DGKQ: variants seen among roughly 807,000 people sequenced by gnomAD.
DGKQ encodes the protein diacylglycerol kinase theta, also known as DAG kinase theta.
A neutral mutation model predicts 104.2 loss-of-function variants in DGKQ; 97 were observed. The observed-to-expected ratio is 0.93, with a 90% CI of 0.79 to 1.10. The LOEUF (loss-of-function observed/expected upper bound fraction) is 1.10, where lower values mean the gene tolerates loss of function less well. Among genes scored for constraint, DGKQ ranks in the 50% least tolerant of loss-of-function variants. DGKQ has a pLI of 0.00. For synonymous variants in DGKQ, 736 were observed against 595.2 expected, an observed-to-expected ratio of 1.24 and a Z score of -3.44; for missense variants, 1,465 against 1,352.1, an observed-to-expected ratio of 1.08 and a Z score of -1.31.
chr4:972,694 C>T (rs1034363397), intron 1 of DGKQ, among the ~76,000 whole-genome samples: 5 of 152,222 alleles, frequency 3.3e-5, no homozygotes, highest in Non-Finnish European at 5.9e-5. Flanking sequence ...AGAGCCAGCC[C>T]TGGGAGCACC....
rs375898533 is a variant in DGKQ at position 971,118 on chromosome 4, G to A, written c.272-46C>T. 8.3e-6 allele frequency: 12 copies of A among 1,446,020 alleles called. No individual in the cohort carries two copies. In the African/African-American group the frequency reaches 1.7e-4, roughly 20 times the overall value. The allele number at this position is 1,446,020 out of a possible 1,614,324, so 89.6% of individuals were successfully genotyped here. On this transcript the variant is annotated intron_variant, in intron 1 of 22. Transcript: ENST00000273814. The surrounding 1 kb of genome is among the most constrained non-coding windows in gnomAD (Gnocchi z 4.0). ...TGAGTTGGCCCCTGTCCTACCCAAT[G>A]GCTGTCCTACCCAGGAAGTTAGAGG... is the stretch of plus-strand genomic sequence containing the variant.
rs770988014 is a variant in DGKQ, at chr4:967,010, G to A, written c.1265C>T (p.Thr422Met). The change falls in exon 10 of 23, where the codon ACG becomes ATG. Residue 422 changes from threonine (T) to methionine (M), a missense_variant. By Grantham distance (81) the Thr-to-Met change is moderately conservative. Coordinates refer to ENST00000273814, the MANE Select transcript of DGKQ (RefSeq NM_001347.4). The part of the protein sequence containing the change: ...YVSVRVTPKS[T>M]ARSVVLEVLP... The stretch of plus-strand genomic sequence containing the variant: ...GACCTCCAGCACCACAGAGCGGGCC[G>A]TGCTCTTCGGGGTCACTCGCACGGA... 7.0e-6 allele frequency: 11 copies of A among 1,564,716 alleles called. No individual in the cohort carries two copies. The highest frequency in any genetic ancestry group is 2.3e-5 in the South Asian group (2 of 85,378).
chr4:964,424 G>A (rs961138785), intron 15 of DGKQ, among the ~76,000 whole-genome samples: 3 of 152,178 alleles, frequency 2.0e-5, no homozygotes, highest in South Asian at 2.1e-4. Context: ...AGGACGAGAG[G>A]CCAATGTGAA....
chr4:961,296 A>G (rs28671147), intron 21 of DGKQ, 95 bp from the exon 22 acceptor site: 812,474 of 1,209,974 alleles, frequency 0.67, 279,697 homozygotes, highest in South Asian at 0.76. Flanking sequence ...AGCAGGGACC[A>G]GGGACGCCCA....
rs780053319 is a variant in DGKQ, at chr4:961,675, C to T, written c.2462+13G>A. 2.4e-5 allele frequency: 38 copies of T among 1,612,084 alleles called. 1 individual carries two copies. In the Admixed American group the frequency reaches 2.8e-4, roughly 12 times the overall value. ...GCCGGGCAGAGCCTCTGGGGAGCCC[C>T]GCCCGCGAGCACCTGGGGATGTTGA... On this transcript the variant is annotated intron_variant, in intron 20 of 22. Transcript: ENST00000273814.
chr4:961,385 G>C, intron 21 of DGKQ, 82 bp downstream of exon 21: 2 of 1,435,404 alleles, frequency 1.4e-6, no homozygotes. Context: ...ACCTGGCCCT[G>C]GGGCGGGAGA....
In DGKQ at chr4:966,790, C is replaced by T. The variant is rs138551311; in HGVS notation, c.1324G>A (p.Glu442Lys). The change falls in exon 11 of 23, where the codon GAG becomes AAG. Residue 442 changes from glutamate to lysine, a missense_variant. Transcript: ENST00000273814. ...PLLGRQAESP[E>K]SFQLVEVAMG... ...GCCACCTCCACCAGCTGGAAGCTCT[C>T]GGGACTCTCGGCCTGTTGGGGTAGA... is the stretch of plus-strand genomic sequence containing the variant. 22 of 1,609,688 alleles carry T rather than the reference C, an allele frequency of 1.4e-5. No individual in the cohort carries two copies. The highest frequency in any genetic ancestry group is 3.3e-4 in the Middle Eastern group (2 of 6,076).
Position 968,807 on chromosome 4 carries a change from G to C in DGKQ, c.451+4C>G. Reference sequence around the variant, plus strand: ...GGGTGGGGAGCCAGGCAGGCTCCAGGTACCTTCGCAGTGGAGCGCCGGTGC... The same window carrying C: ...GGGTGGGGAGCCAGGCAGGCTCCAGCTACCTTCGCAGTGGAGCGCCGGTGC... On this transcript the variant is annotated splice_donor_region_variant and intron_variant, in intron 3 of 22. Coordinates refer to ENST00000273814, the MANE Select transcript of DGKQ (RefSeq NM_001347.4). 1 of 1,607,652 alleles carries C rather than the reference G, an allele frequency of 6.2e-7. No individual in the cohort carries two copies. Among genetic ancestry groups the C allele is most frequent in the Non-Finnish European group, 8.5e-7 (1 of 1,177,524 alleles).
chr4:967,384 G>A (rs898425329), intron 8 of DGKQ, 23 bp from the exon 9 acceptor site: 44 of 1,510,940 alleles, frequency 2.9e-5, no homozygotes, highest in Non-Finnish European at 3.6e-5. Flanking sequence ...AGGTTAGAGG[G>A]GCCAAGTTGT....
intron 18 of DGKQ, 34 bp from the exon 19 acceptor site, chr4:962,116 C>T: frequency 6.3e-7 from 1 of 1,576,628 alleles, no homozygotes; most frequent in South Asian, 1.1e-5. Flanking sequence ...CAGGACCCGG[C>T]CGCCCTCACC....
At chr4:970,891 G>A (rs1248471942) in intron 2 of DGKQ, 102 bp downstream of exon 2, 19 of 843,508 alleles carry the variant, frequency 2.3e-5, no homozygotes, top group African/African-American at 1.0e-4. Flanking sequence ...TCAACTGCAG[G>A]TATCACTAAC....
intron 12 of DGKQ, 45 bp downstream of exon 12, chr4:966,421 T>A: frequency 6.2e-7 from 1 of 1,600,436 alleles, no homozygotes; most frequent in Admixed American, 1.7e-5. Flanking sequence ...AGGCTGTGGC[T>A]GAGGGCTGCT....
chr4:973,227 C>G lies in DGKQ; in HGVS notation c.256G>C (p.Gly86Arg). 6.4e-7 allele frequency: 1 copy of G among 1,560,826 alleles called. No homozygotes were observed. The highest frequency in any genetic ancestry group is 8.6e-7 in the Non-Finnish European group (1 of 1,156,478). ...LCSDFIWGLA[G>R]FLCDVCNFMS... ...GGGCGCTCACCGTCGCACAGGAAGCCGGCCAGCCCCCAGATGAAGTCGGAG... is the reference window on the plus strand; with the variant it reads ...GGGCGCTCACCGTCGCACAGGAAGCGGGCCAGCCCCCAGATGAAGTCGGAG... Residue 86 changes from glycine to arginine, a missense_variant, in exon 1 of 23, where the codon GGC becomes CGC. Physicochemically the swap from Gly to Arg is moderately radical, Grantham distance 125 (BLOSUM62 -2). Coordinates refer to ENST00000273814, the MANE Select transcript of DGKQ (RefSeq NM_001347.4).
At chr4:961,926 G>A in intron 19 of DGKQ, 56 bp downstream of exon 19, 7 of 1,609,512 alleles carry the variant, frequency 4.3e-6, no homozygotes, top group Non-Finnish European at 5.9e-6. Context: ...TGTTCCTGCT[G>A]GGGGACCTGA....
chr4:973,184 CG>C lies in DGKQ; in HGVS notation c.271+27del, dbSNP rs1192010852. On this transcript the variant is annotated intron_variant, in intron 1 of 22. Coordinates refer to ENST00000273814, the MANE Select transcript of DGKQ (RefSeq NM_001347.4). ...CACGGGGCAGAGGCAGGGCTGCAGCCGGGTAGGCATCGGGCCCGGGCGCTCA... is the reference window on the plus strand; with the variant it reads ...CACGGGGCAGAGGCAGGGCTGCAGCCGGTAGGCATCGGGCCCGGGCGCTCA... 2.6e-6 allele frequency: 4 copies of C among 1,519,770 alleles called. No individual in the cohort carries two copies. The South Asian group carries it at 4.9e-5, about 19-fold the overall frequency. The allele number at this position is 1,519,770 out of a possible 1,614,324, so 94.1% of individuals were successfully genotyped here. A position where few individuals can be genotyped will look rare whatever the true frequency, so the allele number is the denominator to read the frequency against.
chr4:962,330 G>T, intron 18 of DGKQ, 105 bp downstream of exon 18: 2 of 1,180,806 alleles, frequency 1.7e-6, no homozygotes, highest in Non-Finnish European at 2.4e-6. Flanking sequence ...GATGATGCGG[G>T]CGCGTACACC....
intron 1 of DGKQ, among the ~76,000 whole-genome samples, chr4:972,770 C>A (rs941266928): frequency 6.6e-6 from 1 of 152,242 alleles, no homozygotes; most frequent in African/African-American, 2.4e-5. Context: ...TGGAGCAGGG[C>A]TGGGACACGC....
chr4:969,649 G>A (rs1321456266), intron 2 of DGKQ, among the ~76,000 whole-genome samples: 6 of 143,720 alleles, frequency 4.2e-5, no homozygotes, highest in East Asian at 4.1e-4. Flanking sequence ...TCGCTCTGTC[G>A]CCCAGGCTGG....
At chr4:970,663 C>G (rs1231382192) in intron 2 of DGKQ, among the ~76,000 whole-genome samples, 1 of 152,216 alleles carries the variant, frequency 6.6e-6, no homozygotes, top group African/African-American at 2.4e-5. Context: ...CCATCCCCCC[C>G]AGGAGCCCTC....
Sources: allele counts gnomAD v4.1 joint callset (sites outside exome capture counted in the v4.1 genomes callset), GRCh38; gene constraint gnomAD v4.1.1; non-coding constraint Gnocchi (gnomAD v3.1); transcripts MANE v1.5; gene names NCBI Gene and HGNC (gene_info 2026-07-23, HGNC 2026-07-21).